The following ST6GALNAC3 variants were observed in gnomAD, a reference collection of about 807,000 sequenced individuals.
ST6GALNAC3 encodes alpha-N-acetylgalactosaminide alpha-2,6-sialyltransferase 3.
Under a neutral mutation model 32.7 loss-of-function variants are expected in ST6GALNAC3, and 25 were observed. That is an observed-to-expected ratio of 0.76 (90% CI 0.56 to 1.07). The LOEUF (loss-of-function observed/expected upper bound fraction) is 1.07. Among genes scored for constraint, ST6GALNAC3 ranks in the 50% least tolerant of loss-of-function variants. ST6GALNAC3 has a pLI of 0.00. For missense variants in ST6GALNAC3, 355 were observed against 382.4 expected, an observed-to-expected ratio of 0.93 and a Z score of 0.60; for synonymous variants, 129 against 133.1, an observed-to-expected ratio of 0.97 and a Z score of 0.21.
intron 1 of ST6GALNAC3, among the ~76,000 whole-genome samples, chr1:76,136,397 C>T (rs1649951184): frequency 6.6e-6 from 1 of 152,126 alleles, no homozygotes; most frequent in Non-Finnish European, 1.5e-5. Flanking sequence ...GCTAAATTTG[C>T]AATCTATAAT....
chr1:76,530,225 C>A lies in ST6GALNAC3; in HGVS notation c.624-97227C>A, dbSNP rs186872225. Among the ~76,000 whole-genome samples, 59 of 152,250 alleles carry A rather than the reference C, an allele frequency of 3.9e-4. No individual in the cohort carries two copies. In the East Asian group the frequency reaches 0.011, roughly 27 times the overall value. ...TTTTATTTCCGTTCTTCTGGTAATA[C>A]ACTCTAACCACTACCTTTTATCCCA... is the stretch of plus-strand genomic sequence containing the variant. On this transcript the variant is annotated intron_variant, in intron 3 of 4. Coordinates refer to ENST00000328299, the MANE Select transcript of ST6GALNAC3 (RefSeq NM_152996.4).
chr1:76,623,865 T>C (rs963189069), intron 3 of ST6GALNAC3, among the ~76,000 whole-genome samples: 3 of 151,976 alleles, frequency 2.0e-5, no homozygotes, highest in Non-Finnish European at 4.4e-5. Flanking sequence ...GCCAGTGCTA[T>C]CAGGCCAGTG....
intron 1 of ST6GALNAC3, 36 bp from the exon 2 acceptor site, chr1:76,313,769 A>G: frequency 6.2e-7 from 1 of 1,608,104 alleles, no homozygotes; most frequent in African/African-American, 1.3e-5. Context: ...GTTGAAAGTC[A>G]TTCGTTCTTC....
intron 1 of ST6GALNAC3, among the ~76,000 whole-genome samples, chr1:76,129,204 G>A (rs1408084784): frequency 6.6e-6 from 1 of 152,104 alleles, no homozygotes; most frequent in African/African-American, 2.4e-5. Flanking sequence ...CTTTCCTGTG[G>A]GGTCCCAAGG....
intron 2 of ST6GALNAC3, among the ~76,000 whole-genome samples, chr1:76,316,778 T>C (rs1646874413): frequency 6.6e-6 from 1 of 152,126 alleles, no homozygotes; most frequent in East Asian, 1.9e-4. Flanking sequence ...GACTTGTATG[T>C]CTATTTTATT....
chr1:76,332,082 G>A (rs1383613061), intron 2 of ST6GALNAC3, among the ~76,000 whole-genome samples: 1 of 152,176 alleles, frequency 6.6e-6, no homozygotes, highest in Non-Finnish European at 1.5e-5. Context: ...CCCAGAGTTA[G>A]TTCTGTGGCA....
At chr1:76,455,826 T>C (rs888980780) in intron 3 of ST6GALNAC3, among the ~76,000 whole-genome samples, 1 of 152,170 alleles carries the variant, frequency 6.6e-6, no homozygotes, top group Non-Finnish European at 1.5e-5. Context: ...TTGCTTGAAT[T>C]TTCAGAGCCT....
At chr1:76,574,239 A>C (rs1178730374) in intron 3 of ST6GALNAC3, among the ~76,000 whole-genome samples, 1 of 152,088 alleles carries the variant, frequency 6.6e-6, no homozygotes, top group South Asian at 2.1e-4. Context: ...ATTTTTATCT[A>C]AACTGTGTAT....
chr1:76,480,730 T>G (rs1339352862), intron 3 of ST6GALNAC3, among the ~76,000 whole-genome samples: 1 of 152,158 alleles, frequency 6.6e-6, no homozygotes, highest in Admixed American at 6.6e-5. Context: ...TTAAATAACA[T>G]ATATGACAGA....
At chr1:76,136,163 C>A (rs527996921) in intron 1 of ST6GALNAC3, among the ~76,000 whole-genome samples, 18 of 152,324 alleles carry the variant, frequency 1.2e-4, no homozygotes, top group African/African-American at 4.3e-4. Flanking sequence ...TAAAAAGCGA[C>A]AGCTACAGCC....
chr1:76,451,547 C>T (rs1657404924), intron 3 of ST6GALNAC3, among the ~76,000 whole-genome samples: 1 of 152,120 alleles, frequency 6.6e-6, no homozygotes, highest in Non-Finnish European at 1.5e-5. Flanking sequence ...CACCATCCAT[C>T]AGCATGGAAT....
chr1:76,357,607 T>A (rs1019140964), intron 2 of ST6GALNAC3, among the ~76,000 whole-genome samples: 1 of 152,250 alleles, frequency 6.6e-6, no homozygotes, highest in African/African-American at 2.4e-5. Flanking sequence ...CTCTTTAGAA[T>A]GTTAATAACA....
At chr1:76,526,034 A>T (rs1349488619) in intron 3 of ST6GALNAC3, among the ~76,000 whole-genome samples, 1 of 151,540 alleles carries the variant, frequency 6.6e-6, no homozygotes, top group Non-Finnish European at 1.5e-5. Context: ...ATTCAGAAAG[A>T]GAGGCTTGAT....
intron 3 of ST6GALNAC3, among the ~76,000 whole-genome samples, chr1:76,560,101 A>G (rs1665159407): frequency 6.6e-6 from 1 of 152,196 alleles, no homozygotes; most frequent in Non-Finnish European, 1.5e-5. Context: ...CATCTCTTCA[A>G]TAAATGATGC....
chr1:76,601,969 G>A (rs953106269), intron 3 of ST6GALNAC3, among the ~76,000 whole-genome samples: 2 of 152,140 alleles, frequency 1.3e-5, no homozygotes, highest in Non-Finnish European at 2.9e-5. Flanking sequence ...GAATGAAAAC[G>A]TAGCAAATGC....
chr1:76,136,907 C>A (rs935034409), intron 1 of ST6GALNAC3, among the ~76,000 whole-genome samples: 24 of 152,180 alleles, frequency 1.6e-4, no homozygotes, highest in South Asian at 4.1e-4. Context: ...ATGCTAACAT[C>A]ATTCATCCAG....
chr1:76,167,784 A>T (rs1047166063), intron 1 of ST6GALNAC3, among the ~76,000 whole-genome samples: 3 of 152,156 alleles, frequency 2.0e-5, no homozygotes, highest in African/African-American at 7.2e-5. Flanking sequence ...AGAGGTGATC[A>T]TAATATTCTC....
chr1:76,091,507 A>C (rs1647045614), intron 1 of ST6GALNAC3, among the ~76,000 whole-genome samples: 1 of 152,192 alleles, frequency 6.6e-6, no homozygotes, highest in Non-Finnish European at 1.5e-5. Flanking sequence ...GCAGCTATTG[A>C]TGGAGTCATC....
chr1:76,285,385 G>GGTGT (rs140357874), intron 1 of ST6GALNAC3, among the ~76,000 whole-genome samples: 10,193 of 148,444 alleles, frequency 0.069, 714 homozygotes, highest in East Asian at 0.37. Context: ...TCGGGAGGAT[G>GGTGT]GTGTGTGTGT....
Sources: gnomAD v4.1 joint callset for allele counts (sites outside exome capture counted in the v4.1 genomes callset) on GRCh38, gnomAD v4.1.1 for gene constraint, MANE v1.5 for transcripts, NCBI Gene and HGNC (gene_info 2026-07-23, HGNC 2026-07-21) for gene names.